DMGDH: variants seen among roughly 807,000 people sequenced by gnomAD.
The protein encoded by DMGDH is dimethylglycine dehydrogenase.
In DMGDH, 76 loss-of-function variants were observed where a neutral mutation model predicts 95.2. The observed-to-expected ratio is 0.80, with a 90% CI of 0.66 to 0.97. The LOEUF is 0.97. Ranked by LOEUF, DMGDH falls within the 50% of genes least tolerant of loss-of-function variation. DMGDH has a pLI of 0.00. For synonymous variants in DMGDH, 345 were observed against 377.6 expected (o/e 0.91, Z 1.00); for missense variants, 987 against 1,055.0 (o/e 0.94, Z 0.89).
intron 15 of DMGDH, among the ~76,000 whole-genome samples, chr5:79,002,910 T>C (rs1753477693): frequency 1.3e-5 from 2 of 152,192 alleles, no homozygotes; most frequent in African/African-American, 2.4e-5. Context: ...AATCCTATAA[T>C]TGGATTAGCA....
At chr5:79,043,781 T>C (rs1183958929) in intron 6 of DMGDH, among the ~76,000 whole-genome samples, 2 of 152,098 alleles carry the variant, frequency 1.3e-5, no homozygotes, top group African/African-American at 2.4e-5. Flanking sequence ...TATCCCCTGC[T>C]TTGGCATAGA....
At chr5:79,001,264 G>C (rs1753448853) in intron 15 of DMGDH, 2 of 272,246 alleles carry the variant, frequency 7.3e-6, no homozygotes, top group Non-Finnish European at 1.4e-5. Flanking sequence ...CCAGGTTCAA[G>C]CTATTCTCTT....
At chr5:79,049,417 G>A (rs1332849140) in intron 5 of DMGDH, among the ~76,000 whole-genome samples, 1 of 152,206 alleles carries the variant, frequency 6.6e-6, no homozygotes, top group Non-Finnish European at 1.5e-5. Flanking sequence ...CTAAAGTACT[G>A]TGTTGAGAAA....
chr5:79,053,283 G>A (rs961868982), intron 4 of DMGDH, among the ~76,000 whole-genome samples: 2 of 152,056 alleles, frequency 1.3e-5, no homozygotes, highest in Non-Finnish European at 2.9e-5. Context: ...CTCCCAAGTA[G>A]CTAGGACTAC....
intron 4 of DMGDH, among the ~76,000 whole-genome samples, chr5:79,052,025 A>C (rs376995617): frequency 6.6e-6 from 1 of 152,224 alleles, no homozygotes; most frequent in Admixed American, 6.5e-5. Context: ...AATACAAGCA[A>C]GGAGCTTTTG....
At chr5:79,002,341 A>G (rs1482555981) in intron 15 of DMGDH, among the ~76,000 whole-genome samples, 1 of 152,212 alleles carries the variant, frequency 6.6e-6, no homozygotes, top group Non-Finnish European at 1.5e-5. Context: ...CACCGAATAT[A>G]AAGAAAGCCT....
Position 79,042,393 on chromosome 5 carries a change from CT to C in DMGDH, c.1082del (p.Lys361ArgfsTer35). On this transcript the variant is annotated frameshift_variant, in exon 7 of 16. Coordinates refer to ENST00000255189, the MANE Select transcript of DMGDH (RefSeq NM_013391.3). LOFTEE classifies it high-confidence loss of function. ...CATTGACAACATTGATGATGTCAGC[CT>C]TTTTCAAGACAGGAACCATTTCCAT... ...AAMEMVPVLK[K>X]ADIINVVNGP... 1 of 1,614,142 alleles carries C rather than the reference CT, an allele frequency of 6.2e-7. No homozygotes were observed. Among genetic ancestry groups the C allele is most frequent in the East Asian group, 2.2e-5 (1 of 44,888 alleles).
At chr5:79,026,285 C>T (rs1753998398) in intron 13 of DMGDH, 139 bp downstream of exon 13, 2 of 1,063,732 alleles carry the variant, frequency 1.9e-6, no homozygotes, top group Middle Eastern at 4.3e-4. Flanking sequence ...AAACCTCTTC[C>T]CCTAATGAAA....
chr5:79,051,840 T>C (rs987288995), intron 4 of DMGDH, among the ~76,000 whole-genome samples: 2 of 152,236 alleles, frequency 1.3e-5, no homozygotes, highest in Non-Finnish European at 2.9e-5. Flanking sequence ...AAATTTATGT[T>C]TGATTCAATC....
chr5:79,055,895 GT>G lies in DMGDH; in HGVS notation c.289del (p.Thr97LeufsTer7). 1 of 1,608,290 alleles carries G rather than the reference GT, an allele frequency of 6.2e-7. No individual in the cohort carries two copies. The highest frequency in any genetic ancestry group is 8.5e-7 in the Non-Finnish European group (1 of 1,174,852). ...GSTWHAAGLT[T>X]YFHPGINLKK... ...CAAGTTTATTCCAGGATGAAAGTAAGTTGTTAAACCTGCCTTAAAAGCAGAG... is the reference window on the plus strand; with the variant it reads ...CAAGTTTATTCCAGGATGAAAGTAAGTGTTAAACCTGCCTTAAAAGCAGAG... On this transcript the variant is annotated frameshift_variant, in exon 3 of 16. Transcript: ENST00000255189. LOFTEE classifies it high-confidence loss of function.
chr5:79,043,430 C>T (rs1754575230), intron 6 of DMGDH, among the ~76,000 whole-genome samples: 1 of 152,200 alleles, frequency 6.6e-6, no homozygotes, highest in Non-Finnish European at 1.5e-5. Context: ...GCCCACTCAG[C>T]ACAACCAAAG....
At chr5:79,062,875 T>C (rs1755251580) in intron 2 of DMGDH, among the ~76,000 whole-genome samples, 1 of 152,118 alleles carries the variant, frequency 6.6e-6, no homozygotes, top group African/African-American at 2.4e-5. Flanking sequence ...AGGCGGATCA[T>C]GAGGTCAAGA....
At chr5:79,056,027 C>A in intron 2 of DMGDH, 119 bp from the exon 3 acceptor site, 1 of 717,358 alleles carries the variant, frequency 1.4e-6, no homozygotes, top group Non-Finnish European at 2.5e-6. Flanking sequence ...CCAGCCAGTC[C>A]TTTGGGATGA....
chr5:79,069,589 C>A lies in DMGDH; in HGVS notation c.32G>T (p.Gly11Val). Residue 11 changes from glycine to valine, a missense_variant, in exon 1 of 16, where the codon GGC becomes GTC. Gly to Val is a moderately radical substitution (Grantham distance 109). Transcript: ENST00000255189. MLRPGAQLLR[G>V]LLLRSCPLQG... ...CAGCGGGCAGCTCCGCAGCAGGAGG[C>A]CCCGCAGCAGCTGCGCGCCGGGACG... 1.5e-6 allele frequency: 2 copies of A among 1,365,086 alleles called. No homozygotes were observed. The highest frequency in any genetic ancestry group is 1.8e-5 in the South Asian group (1 of 55,512). 84.6% of individuals were successfully genotyped at this position (1,365,086 alleles called of 1,614,324 possible). A position where few individuals can be genotyped will look rare whatever the true frequency, so the allele number is the denominator to read the frequency against.
chr5:79,033,592 T>C (rs1447435610), intron 7 of DMGDH, among the ~76,000 whole-genome samples, 184 bp from the exon 8 acceptor site: 1 of 152,198 alleles, frequency 6.6e-6, no homozygotes, highest in Non-Finnish European at 1.5e-5. Flanking sequence ...CCAAATTAAA[T>C]GTGCCTGACT....
chr5:79,024,423 T>C, intron 13 of DMGDH, 93 bp from the exon 14 acceptor site: 1 of 1,246,060 alleles, frequency 8.0e-7, no homozygotes, highest in Non-Finnish European at 1.2e-6. Flanking sequence ...AAGAACCCTT[T>C]TTGATTTTTC....
At chr5:79,032,070 C>A (rs1056404465) in intron 9 of DMGDH, among the ~76,000 whole-genome samples, 1 of 152,210 alleles carries the variant, frequency 6.6e-6, no homozygotes, top group East Asian at 1.9e-4. Context: ...TTCCCTTGAT[C>A]TGTGGATTCT....
intron 14 of DMGDH, 146 bp downstream of exon 14, chr5:79,024,125 T>C (rs1753932991): frequency 1.3e-6 from 1 of 746,446 alleles, no homozygotes; most frequent in East Asian, 2.7e-5. Context: ...AAGAGTAATA[T>C]GACACAATTG....
chr5:79,069,558 G>A lies in DMGDH; in HGVS notation c.63C>T (p.Gly21=). The A allele has an allele frequency of 2.2e-6, 3 of 1,335,856 alleles. No homozygotes were observed. Among genetic ancestry groups the A allele is most frequent in the South Asian group, 2.0e-5 (1 of 49,306 alleles). 82.8% of individuals were successfully genotyped at this position (1,335,856 alleles called of 1,614,324 possible). The change falls in exon 1 of 16, where the codon GGC becomes GGT. Residue 21 remains glycine (G), a synonymous_variant. Coordinates refer to ENST00000255189, the MANE Select transcript of DMGDH (RefSeq NM_013391.3). Reference sequence around the variant, plus strand: ...AGACAGAGCGCGGGCGCCCGGGGGAGCCCTGCAGCGGGCAGCTCCGCAGCA... The same window carrying A: ...AGACAGAGCGCGGGCGCCCGGGGGAACCCTGCAGCGGGCAGCTCCGCAGCA... The part of the protein sequence containing the change: ...GLLLRSCPLQ[G]SPGRPRSVCG...
Sources: allele counts gnomAD v4.1 joint callset (sites outside exome capture counted in the v4.1 genomes callset), GRCh38; gene constraint gnomAD v4.1.1; transcripts MANE v1.5; gene names NCBI Gene and HGNC (gene_info 2026-07-23, HGNC 2026-07-21).